The following ARMC9 variants were observed in gnomAD, a reference collection of about 807,000 sequenced individuals.
The protein encoded by ARMC9 is lisH domain-containing protein ARMC9.
A neutral mutation model predicts 107.0 loss-of-function variants in ARMC9; 94 were observed. That is an observed-to-expected ratio of 0.88 (90% confidence interval 0.74 to 1.04). The LOEUF is 1.04. Among genes scored for constraint, ARMC9 ranks in the 50% least tolerant of loss-of-function variants. ARMC9 has a pLI of 0.00. For missense variants in ARMC9, 942 were observed against 1,030.1 expected (o/e 0.91, Z 1.17); for synonymous variants, 380 against 396.9 (o/e 0.96, Z 0.51).
intron 19 of ARMC9, 58 bp downstream of exon 19, chr2:231,296,311 C>T: frequency 7.2e-7 from 1 of 1,390,166 alleles, no homozygotes; most frequent in South Asian, 1.2e-5. Flanking sequence ...TTCTCTCTTT[C>T]CTGCCTTGAC....
At chr2:231,262,507 T>A in intron 12 of ARMC9, 109 bp downstream of exon 12, 1 of 1,077,604 alleles carries the variant, frequency 9.3e-7, no homozygotes, top group Non-Finnish European at 1.4e-6. Flanking sequence ...GCTTCGTAAC[T>A]GTATGTCAGC....
At chr2:231,335,133 C>T (rs757141439) in intron 20 of ARMC9, among the ~76,000 whole-genome samples, 12 of 152,178 alleles carry the variant, frequency 7.9e-5, no homozygotes, top group Non-Finnish European at 1.2e-4. Flanking sequence ...CAGCTGTTAC[C>T]GTCAAGAAGT....
chr2:231,355,707 C>G (rs2045313383), intron 21 of ARMC9, 91 bp from the exon 22 acceptor site: 3 of 1,398,680 alleles, frequency 2.1e-6, no homozygotes, highest in Non-Finnish European at 2.9e-6. Context: ...GGCACCGCCC[C>G]CTCCTGTATT....
In ARMC9 at chr2:231,373,545, TGAG is replaced by T. The variant is rs1327989641; in HGVS notation, c.*2014_*2016del. 2 of 152,032 alleles carry T rather than the reference TGAG, an allele frequency of 1.3e-5. No homozygotes were observed. The highest frequency in any genetic ancestry group is 2.9e-5 in the Non-Finnish European group (2 of 68,008). 9.4% of individuals were successfully genotyped at this position (152,032 alleles called of 1,614,324 possible). A position where few individuals can be genotyped will look rare whatever the true frequency, so the allele number is the denominator to read the frequency against. ...TCTGATCTGTAGATGTCTGATGGTT[TGAG>T]GAGAAGAAAAGATAGTCTTTTAGAG... On this transcript the variant is annotated 3_prime_UTR_variant, in exon 25 of 25. Transcript: ENST00000611582. The surrounding 1 kb of genome is among the most constrained non-coding windows in gnomAD (Gnocchi z 4.4).
intron 19 of ARMC9, among the ~76,000 whole-genome samples, chr2:231,305,675 A>G (rs534669516): frequency 1.3e-5 from 2 of 152,324 alleles, no homozygotes; most frequent in South Asian, 4.1e-4. Flanking sequence ...CGAAGGCAAT[A>G]TAACTTACCT....
chr2:231,373,952 G>A lies in ARMC9; in HGVS notation c.*2417G>A, dbSNP rs2046119044. Reference sequence around the variant, plus strand: ...AGGTGGGGTATGTGTGGTTCTTCCAGGAAAGTGCTGAAAATATCACCCAGG... The same window carrying A: ...AGGTGGGGTATGTGTGGTTCTTCCAAGAAAGTGCTGAAAATATCACCCAGG... On this transcript the variant is annotated 3_prime_UTR_variant, in exon 25 of 25. Transcript: ENST00000611582. This position sits in a 1 kb window ranked among gnomAD's most constrained non-coding sequence, Gnocchi z 4.4. The A allele has an allele frequency of 6.6e-6, 1 of 152,020 alleles. No individual in the cohort carries two copies. Among genetic ancestry groups the A allele is most frequent in the Non-Finnish European group, 1.5e-5 (1 of 68,046 alleles). The allele number at this position is 152,020 out of a possible 1,614,324, so 9.4% of individuals were successfully genotyped here.
At chr2:231,355,474 C>G (rs148445662) in intron 21 of ARMC9, among the ~76,000 whole-genome samples, 320 of 152,356 alleles carry the variant, frequency 2.1e-3, no homozygotes, top group South Asian at 3.5e-3. Context: ...ACCAGCAGAT[C>G]CGTGCCTTAC....
At chr2:231,288,352 G>A (rs2040752542) in intron 17 of ARMC9, among the ~76,000 whole-genome samples, 1 of 152,012 alleles carries the variant, frequency 6.6e-6, no homozygotes, top group South Asian at 2.1e-4. Context: ...GGGGGCCTGT[G>A]AGTAATTTTT....
In ARMC9 at chr2:231,270,766, C is replaced by A. The variant is rs1574887546; in HGVS notation, c.1120-216C>A. 2.1e-5 allele frequency: 14 copies of A among 675,396 alleles called. No individual in the cohort carries two copies. In the East Asian group the frequency reaches 4.1e-4, roughly 20 times the overall value. The allele number at this position is 675,396 out of a possible 1,614,324, so 41.8% of individuals were successfully genotyped here. A position where few individuals can be genotyped will look rare whatever the true frequency, so the allele number is the denominator to read the frequency against. ...TTCTGAGGGCTTCGTGTAATTAATT[C>A]ATTTAATTTGGAAGTCTGACTAACT... On this transcript the variant is annotated intron_variant, in intron 12 of 24. Transcript: ENST00000611582.
At chr2:231,246,044 T>G (rs2036734540) in intron 9 of ARMC9, among the ~76,000 whole-genome samples, 1 of 152,162 alleles carries the variant, frequency 6.6e-6, no homozygotes, top group Admixed American at 6.5e-5. Context: ...GAGTCCCAAG[T>G]CTGACCTAGT....
At chr2:231,207,690 G>T (rs78336967) in intron 2 of ARMC9, among the ~76,000 whole-genome samples, 9,718 of 152,142 alleles carry the variant, frequency 0.064, 402 homozygotes, top group African/African-American at 0.12. Flanking sequence ...TGGCCAGGCT[G>T]GTCTCGAATT....
At chr2:231,211,387 C>T (rs1002408086) in intron 3 of ARMC9, among the ~76,000 whole-genome samples, 15 of 151,240 alleles carry the variant, frequency 9.9e-5, no homozygotes, top group Non-Finnish European at 2.2e-4. Flanking sequence ...CAAAAATTAG[C>T]GGGGCATAGT....
rs1373763928 is a variant in ARMC9 at position 231,297,005 on chromosome 2, A to G, written c.1773+752A>G. On this transcript the variant is annotated intron_variant, in intron 19 of 24. Transcript: ENST00000611582. The surrounding 1 kb of genome is among the most constrained non-coding windows in gnomAD (Gnocchi z 4.2). ...TCTATTTTGGGGGGAGCATTCACTG[A>G]AAAAGTGGATGTCAGAGGATGTTTT... 6.6e-6 allele frequency among the ~76,000 whole-genome samples: 1 copy of G among 152,202 alleles called. No homozygotes were observed. Among genetic ancestry groups the G allele is most frequent in the African/African-American group, 2.4e-5 (1 of 41,442 alleles).
At position 231,360,650 on chromosome 2, in the gene ARMC9, C is replaced by A; in HGVS notation, c.2132-104C>A. The A allele has an allele frequency of 6.6e-7, 1 of 1,514,684 alleles. No individual in the cohort carries two copies. The allele number at this position is 1,514,684 out of a possible 1,614,324, so 93.8% of individuals were successfully genotyped here. A position where few individuals can be genotyped will look rare whatever the true frequency, so the allele number is the denominator to read the frequency against. ...CGCCAGGGAGCCCGCAGGGCCTGGC[C>A]TGGGGTGCGTGCTTTTCTTGGCTTT... On this transcript the variant is annotated intron_variant, in intron 22 of 24. Coordinates refer to ENST00000611582, the MANE Select transcript of ARMC9 (RefSeq NM_001352754.2). This position sits in a 1 kb window ranked among gnomAD's most constrained non-coding sequence, Gnocchi z 4.7.
chr2:231,358,404 G>A lies in ARMC9; in HGVS notation c.2132-2350G>A, dbSNP rs1042867783. 3.3e-5 allele frequency among the ~76,000 whole-genome samples: 5 copies of A among 151,954 alleles called. No individual in the cohort carries two copies. Among genetic ancestry groups the A allele is most frequent in the African/African-American group, 7.3e-5 (3 of 41,322 alleles). On this transcript the variant is annotated intron_variant, in intron 22 of 24. Coordinates refer to ENST00000611582, the MANE Select transcript of ARMC9 (RefSeq NM_001352754.2). This position sits in a 1 kb window ranked among gnomAD's most constrained non-coding sequence, Gnocchi z 4.5. ...ATTGTAGAGAGAGGTGTCTCTCTGT[G>A]CTGCCCAGGCTGGTCTTGAACCCTT... is the stretch of plus-strand genomic sequence containing the variant.
intron 18 of ARMC9, chr2:231,293,740 A>C (rs566842671): frequency 6.6e-6 from 1 of 152,324 alleles, no homozygotes; most frequent in South Asian, 2.1e-4. Flanking sequence ...GGCCTAAAGT[A>C]TTTATCTTTC....
rs556933192 is a variant in ARMC9 at position 231,363,551 on chromosome 2, A to T, written c.2261+2668A>T. On this transcript the variant is annotated intron_variant, in intron 23 of 24. Coordinates refer to ENST00000611582, the MANE Select transcript of ARMC9 (RefSeq NM_001352754.2). ...AGCTCTGTGCCAGTGACTTCCAGCA[A>T]CTGTCTTGCTGTAAAATTACTTTCT... is the stretch of plus-strand genomic sequence containing the variant. 2.0e-5 allele frequency among the ~76,000 whole-genome samples: 3 copies of T among 152,244 alleles called. No individual in the cohort carries two copies. The East Asian group carries it at 5.8e-4, about 29-fold the overall frequency.
rs73088011 is a variant in ARMC9 at position 231,230,598 on chromosome 2, G to A, written c.622+3800G>A. ...AGCCTCTCCTCCTAAGGAGTATACAGTTGTCCCTCAGTATCTACAAGGATT... is the reference window on the plus strand; with the variant it reads ...AGCCTCTCCTCCTAAGGAGTATACAATTGTCCCTCAGTATCTACAAGGATT... On this transcript the variant is annotated intron_variant, in intron 7 of 24. Transcript: ENST00000611582. Among the ~76,000 whole-genome samples, 42 of 152,144 alleles carry A rather than the reference G, an allele frequency of 2.8e-4. No individual in the cohort carries two copies. The East Asian group carries it at 7.5e-3, about 27-fold the overall frequency.
chr2:231,227,487 C>T (rs555893947), intron 7 of ARMC9, among the ~76,000 whole-genome samples: 1 of 152,322 alleles, frequency 6.6e-6, no homozygotes, highest in East Asian at 1.9e-4. Flanking sequence ...GCATAACCCT[C>T]AGTTCCCAGT....
Sources: allele counts gnomAD v4.1 joint callset (sites outside exome capture counted in the v4.1 genomes callset), GRCh38; gene constraint gnomAD v4.1.1; non-coding constraint Gnocchi (gnomAD v3.1); transcripts MANE v1.5; gene names NCBI Gene and HGNC (gene_info 2026-07-23, HGNC 2026-07-21).